Variants in SHLD1 observed in about 807,000 individuals in gnomAD.
SHLD1 encodes shieldin complex subunit 1.
Under a neutral mutation model 5.5 loss-of-function variants are expected in SHLD1, and 3 were observed. That is an observed-to-expected ratio of 0.54 (90% CI 0.25 to 1.40). The LOEUF is 1.40. SHLD1 is among the 40% of genes most tolerant of loss of function. SHLD1 has a pLI of 0.15. For missense variants in SHLD1, 210 were observed against 244.4 expected, an observed-to-expected ratio of 0.86 and a Z score of 0.94; for synonymous variants, 92 against 94.3, an observed-to-expected ratio of 0.98 and a Z score of 0.14.
chr20:5,767,244 C>G (rs1261406129), intron 1 of SHLD1, among the ~76,000 whole-genome samples: 1 of 152,064 alleles, frequency 6.6e-6, no homozygotes, highest in Non-Finnish European at 1.5e-5. Flanking sequence ...AGTGATCATC[C>G]CATCTCAGCC....
At chr20:5,836,608 C>T (rs569406235) in intron 2 of SHLD1, among the ~76,000 whole-genome samples, 1 of 152,306 alleles carries the variant, frequency 6.6e-6, no homozygotes, top group Non-Finnish European at 1.5e-5. Context: ...CCGCTCCCTC[C>T]TTGCATTTAT....
At chr20:5,751,306 G>GTT (rs145934312) in intron 1 of SHLD1, among the ~76,000 whole-genome samples, 4 of 151,346 alleles carry the variant, frequency 2.6e-5, no homozygotes, top group African/African-American at 9.7e-5. Context: ...CATGACTTTT[G>GTT]TTCTTTTTTT....
intron 2 of SHLD1, among the ~76,000 whole-genome samples, chr20:5,798,917 C>A (rs964048567): frequency 1.3e-5 from 2 of 152,198 alleles, no homozygotes; most frequent in African/African-American, 4.8e-5. Flanking sequence ...GTTGTGGGGG[C>A]TCATGCCTGT....
chr20:5,810,214 G>T lies in SHLD1; in HGVS notation c.178+37171G>T, dbSNP rs370749174. Among the ~76,000 whole-genome samples, 10 of 151,838 alleles carry T rather than the reference G, an allele frequency of 6.6e-5. No homozygotes were observed. The South Asian group carries it at 8.3e-4, about 13-fold the overall frequency. On this transcript the variant is annotated intron_variant, in intron 2 of 2. Coordinates refer to ENST00000303142, the MANE Select transcript of SHLD1 (RefSeq NM_152504.4). ...GGAGGTTGCAGTGAGCCAAGATCGT[G>T]CCACTGCACTCCAGCCTGGGTGACA... is the stretch of plus-strand genomic sequence containing the variant.
chr20:5,827,349 C>G (rs2087678418), intron 2 of SHLD1, among the ~76,000 whole-genome samples: 1 of 152,234 alleles, frequency 6.6e-6, no homozygotes, highest in Non-Finnish European at 1.5e-5. Context: ...CAACCCGAAG[C>G]TGGAGGGCAA....
At chr20:5,751,558 G>A (rs1464369497) in intron 1 of SHLD1, among the ~76,000 whole-genome samples, 2 of 152,134 alleles carry the variant, frequency 1.3e-5, no homozygotes, top group African/African-American at 4.8e-5. Context: ...ACCTGCCTCA[G>A]CCTCTCAAAG....
At chr20:5,752,984 TG>T (rs1243014606) in intron 1 of SHLD1, among the ~76,000 whole-genome samples, 1 of 152,020 alleles carries the variant, frequency 6.6e-6, no homozygotes, top group African/African-American at 2.4e-5. Flanking sequence ...TCAGTAGAGA[TG>T]GGGGGGTTTC....
intron 2 of SHLD1, among the ~76,000 whole-genome samples, chr20:5,813,331 T>C (rs1410724492): frequency 6.6e-6 from 1 of 151,322 alleles, no homozygotes; most frequent in Non-Finnish European, 1.5e-5. Context: ...CTACTAAAAA[T>C]ACAAAAAAAA....
chr20:5,811,374 T>TG (rs1041297927), intron 2 of SHLD1, among the ~76,000 whole-genome samples: 4 of 152,094 alleles, frequency 2.6e-5, no homozygotes, highest in Non-Finnish European at 5.9e-5. Context: ...AGAAAACATA[T>TG]GCCCCCAGAA....
chr20:5,849,141 T>C (rs2087967766), intron 2 of SHLD1, among the ~76,000 whole-genome samples: 1 of 152,222 alleles, frequency 6.6e-6, no homozygotes, highest in African/African-American at 2.4e-5. Context: ...AAGCTTAAGT[T>C]TATTGTTTTT....
intron 2 of SHLD1, among the ~76,000 whole-genome samples, chr20:5,785,560 C>T (rs1198427775): frequency 6.6e-6 from 1 of 152,122 alleles, no homozygotes; most frequent in African/African-American, 2.4e-5. Flanking sequence ...CTTTGGGAGG[C>T]CAAAGTGGGC....
At chr20:5,842,044 A>G (rs1255654215) in intron 2 of SHLD1, among the ~76,000 whole-genome samples, 2 of 152,262 alleles carry the variant, frequency 1.3e-5, no homozygotes, top group African/African-American at 2.4e-5. Flanking sequence ...AAGTTGAATG[A>G]TTTTGCATAA....
At chr20:5,789,778 G>T (rs745955914) in intron 2 of SHLD1, among the ~76,000 whole-genome samples, 1 of 152,072 alleles carries the variant, frequency 6.6e-6, no homozygotes, top group Admixed American at 6.6e-5. Flanking sequence ...AGGACTGGAG[G>T]AACAATATGG....
chr20:5,802,830 C>T (rs920650199), intron 2 of SHLD1, among the ~76,000 whole-genome samples: 3 of 152,026 alleles, frequency 2.0e-5, no homozygotes, highest in Non-Finnish European at 4.4e-5. Flanking sequence ...AATTCATCCA[C>T]CTTGGTCTCC....
At chr20:5,757,498 GA>G (rs1213504812) in intron 1 of SHLD1, among the ~76,000 whole-genome samples, 6 of 152,130 alleles carry the variant, frequency 3.9e-5, no homozygotes, top group Non-Finnish European at 8.8e-5. Context: ...TTTTAATCAT[GA>G]AAGGGTGTTT....
chr20:5,838,213 C>A (rs1392274195), intron 2 of SHLD1, among the ~76,000 whole-genome samples: 1 of 152,098 alleles, frequency 6.6e-6, no homozygotes, highest in Non-Finnish European at 1.5e-5. Flanking sequence ...TATATGCTTA[C>A]CTGCTGTAAT....
At chr20:5,770,220 A>G (rs925804560) in intron 1 of SHLD1, among the ~76,000 whole-genome samples, 13 of 152,122 alleles carry the variant, frequency 8.5e-5, no homozygotes, top group African/African-American at 3.1e-4. Context: ...TTGGAAGAAC[A>G]TTCTAATCAG....
chr20:5,792,686 A>AAG (rs2087158522), intron 2 of SHLD1, among the ~76,000 whole-genome samples: 3 of 146,502 alleles, frequency 2.0e-5, no homozygotes, highest in South Asian at 4.3e-4. Flanking sequence ...TTTTAAAAAA[A>AAG]AAAAAGAAAA....
chr20:5,805,665 A>G (rs1467372344), intron 2 of SHLD1, among the ~76,000 whole-genome samples: 1 of 152,154 alleles, frequency 6.6e-6, no homozygotes, highest in South Asian at 2.1e-4. Context: ...CAGTGGCGCA[A>G]TCTCGGCTCA....
Sources: allele counts gnomAD v4.1 joint callset (sites outside exome capture counted in the v4.1 genomes callset), GRCh38; gene constraint gnomAD v4.1.1; transcripts MANE v1.5; gene names NCBI Gene and HGNC (gene_info 2026-07-23, HGNC 2026-07-21).